IGFN1: variants seen among roughly 807,000 people sequenced by gnomAD.
IGFN1 encodes the protein immunoglobulin like and fibronectin type III domain containing 1, also known as immunoglobulin-like and fibronectin type III domain-containing protein 1.
IGFN1 carries 253 observed loss-of-function variants against 289.5 expected under a neutral mutation model. The observed-to-expected ratio is 0.87, with a 90% CI of 0.79 to 0.97. The LOEUF is 0.97. IGFN1 is among the 50% of genes least tolerant of loss of function. The probability of loss-of-function intolerance (pLI) is 0.00; values close to 1 mark genes in which losing one functional copy is unlikely to be tolerated. For missense variants in IGFN1, 4,470 were observed against 4,686.1 expected (o/e 0.95, Z 1.35); for synonymous variants, 1,706 against 1,788.5 (o/e 0.95, Z 1.16).
chr1:201,198,902 A>G (rs1667027073), intron 5 of IGFN1, among the ~76,000 whole-genome samples: 1 of 152,256 alleles, frequency 6.6e-6, no homozygotes, highest in Non-Finnish European at 1.5e-5. Context: ...TGGCTGCAGG[A>G]TTAGCCAAAC....
intron 10 of IGFN1, among the ~76,000 whole-genome samples, chr1:201,204,275 C>G (rs1038210952): frequency 1.3e-5 from 2 of 148,198 alleles, no homozygotes; most frequent in Non-Finnish European, 3.0e-5. Context: ...AACACCCTAG[C>G]AAGAATCTCT....
chr1:201,216,505 C>T lies in IGFN1; in HGVS notation c.9347C>T (p.Ala3116Val), dbSNP rs996831809. 10 of 1,608,198 alleles carry T rather than the reference C, an allele frequency of 6.2e-6. No individual in the cohort carries two copies. In the African/African-American group the frequency reaches 1.3e-4, roughly 21 times the overall value. The stretch of plus-strand genomic sequence containing the variant: ...ATGGAGGTTCAGGATTGCCATAGGG[C>T]TGGCGTCTGCCTCCGCTGGCGGCCC... Reference protein sequence around the residue: ...GPMEVQDCHRAGVCLRWRPPR... With the variant: ...GPMEVQDCHRVGVCLRWRPPR... Residue 3116 changes from alanine (A) to valine (V), a missense_variant, in exon 16 of 24, where the codon GCT becomes GTT. Ala to Val is a moderately conservative substitution (Grantham distance 64). Transcript: ENST00000335211.
In IGFN1 at chr1:201,201,706, G is replaced by T; in HGVS notation, c.634-13G>T. The stretch of plus-strand genomic sequence containing the variant: ...TCATGAGCTCTCCTGCTGGGTGTTT[G>T]TCTGCTTTGTAGTACATCAACACCA... On this transcript the variant is annotated splice_polypyrimidine_tract_variant and intron_variant, in intron 8 of 23. Coordinates refer to ENST00000335211, the MANE Select transcript of IGFN1 (RefSeq NM_001164586.2). 1 of 1,415,052 alleles carries T rather than the reference G, an allele frequency of 7.1e-7. No homozygotes were observed. The highest frequency in any genetic ancestry group is 9.8e-7 in the Non-Finnish European group (1 of 1,022,040). The allele number at this position is 1,415,052 out of a possible 1,614,324, so 87.7% of individuals were successfully genotyped here. A position where few individuals can be genotyped will look rare whatever the true frequency, so the allele number is the denominator to read the frequency against.
chr1:201,215,923 A>G (rs768076492), intron 15 of IGFN1, 85 bp downstream of exon 15: 20 of 1,313,896 alleles, frequency 1.5e-5, no homozygotes, highest in Non-Finnish European at 1.5e-5. Context: ...GGCCTGGGAT[A>G]TGATCTCTGC....
chr1:201,195,161 T>G (rs141395718), intron 3 of IGFN1, among the ~76,000 whole-genome samples: 1 of 149,234 alleles, frequency 6.7e-6, no homozygotes, highest in Non-Finnish European at 1.5e-5. Flanking sequence ...TTTTTTTTTT[T>G]CTTTTTTTGA....
At chr1:201,198,445 C>T (rs2365298) in intron 5 of IGFN1, among the ~76,000 whole-genome samples, 137,317 of 151,840 alleles carry the variant, frequency 0.9, 62,207 homozygotes, top group Non-Finnish European at 0.93. Context: ...CTTTTATTTT[C>T]TATTTTTTGA....
In IGFN1 at chr1:201,208,626, G is replaced by A. The variant is rs866561070; in HGVS notation, c.3733G>A (p.Gly1245Arg). The A allele has an allele frequency of 1.0e-5, 16 of 1,528,610 alleles. No individual in the cohort carries two copies. The Middle Eastern group carries it at 1.2e-3, about 112-fold the overall frequency. The allele number at this position is 1,528,610 out of a possible 1,614,324, so 94.7% of individuals were successfully genotyped here. ...RSRGLGPRST[G>R]PGGEAGFRDG... ...AAGGGGCCTTGGGCCTAGGAGTACA[G>A]GGCCAGGGGGTGAGGCAGGCTTTAG... Residue 1245 changes from glycine to arginine, a missense_variant, in exon 12 of 24, where the codon GGG (glycine) becomes AGG (arginine). Physicochemically the swap from Gly to Arg is moderately radical, Grantham distance 125. This residue lies in a region of IGFN1 where 2,011 missense variants were observed against 1,953.4 expected (regional missense o/e 1.03). Coordinates refer to ENST00000335211, the MANE Select transcript of IGFN1 (RefSeq NM_001164586.2).
chr1:201,216,183 C>A lies in IGFN1; in HGVS notation c.9296-271C>A, dbSNP rs1571480456. 1.2e-5 allele frequency: 7 copies of A among 602,520 alleles called. No individual in the cohort carries two copies. In the East Asian group the frequency reaches 2.0e-4, roughly 17 times the overall value. 37.3% of individuals were successfully genotyped at this position (602,520 alleles called of 1,614,324 possible). ...TGGCCGAGCAGGTGCCCATACCAGC[C>A]ACCGGACGGTGGGGCCGGGAGGGGC... is the stretch of plus-strand genomic sequence containing the variant. On this transcript the variant is annotated intron_variant, in intron 15 of 23. Transcript: ENST00000335211.
At chr1:201,199,006 T>C (rs1006296787) in intron 5 of IGFN1, among the ~76,000 whole-genome samples, 3 of 152,218 alleles carry the variant, frequency 2.0e-5, no homozygotes, top group African/African-American at 7.2e-5. Flanking sequence ...TTAGATACTC[T>C]TGAGTTTGTT....
Position 201,211,953 on chromosome 1 carries a change from G to C in IGFN1, c.7060G>C (p.Gly2354Arg). The change falls in exon 12 of 24, where the codon GGT (glycine) becomes CGT (arginine). Residue 2354 changes from glycine (G) to arginine (R), a missense_variant. By Grantham distance (125) the Gly-to-Arg change is moderately radical. Coordinates refer to ENST00000335211, the MANE Select transcript of IGFN1 (RefSeq NM_001164586.2). ...SGGSGETGPE[G>R]KMGYGDGSGR... is the part of the protein sequence containing the mutation. ...AGGATCTGGGGAAACGGGACCAGAG[G>C]GTAAGATGGGTTATGGAGATGGTTC... 1 of 1,531,772 alleles carries C rather than the reference G, an allele frequency of 6.5e-7. No individual in the cohort carries two copies. Among genetic ancestry groups the C allele is most frequent in the Non-Finnish European group, 8.7e-7 (1 of 1,144,104 alleles). 94.9% of individuals were successfully genotyped at this position (1,531,772 alleles called of 1,614,324 possible).
chr1:201,221,163 ATAGT>A (rs376614593), intron 18 of IGFN1, among the ~76,000 whole-genome samples: 201 of 152,276 alleles, frequency 1.3e-3, no homozygotes, highest in African/African-American at 4.7e-3. Context: ...TTACAGAAGG[ATAGT>A]TAGGAGAAGG....
chr1:201,205,323 C>T lies in IGFN1; in HGVS notation c.1158C>T (p.Leu386=), dbSNP rs1180966822. 4 of 1,545,706 alleles carry T rather than the reference C, an allele frequency of 2.6e-6. No homozygotes were observed. The African/African-American group carries it at 5.5e-5, about 21-fold the overall frequency. The change falls in exon 11 of 24, where the codon CTC becomes CTT. Residue 386 remains leucine (L), a synonymous_variant. Transcript: ENST00000335211. ...DMGPYSLGTG[L]YTSSAWLVVE... ...GCCCCTATTCGCTGGGCACCGGGCT[C>T]TACACTTCCAGCGCCTGGCTGGTGG...
In IGFN1 at chr1:201,193,237, C is replaced by T. The variant is rs909481577; in HGVS notation, c.-47-10C>T. The T allele has an allele frequency of 6.2e-5, 84 of 1,346,988 alleles. 1 individual carries two copies. Among genetic ancestry groups the T allele is most frequent in the South Asian group, 6.2e-4 (50 of 80,420 alleles). The allele number at this position is 1,346,988 out of a possible 1,614,324, so 83.4% of individuals were successfully genotyped here. Reference sequence around the variant, plus strand: ...GGATTTCTCAAAAGCAATTCCATTTCTGTTCTCAGGGTAATAGAACTTCTA... The same window carrying T: ...GGATTTCTCAAAAGCAATTCCATTTTTGTTCTCAGGGTAATAGAACTTCTA... On this transcript the variant is annotated splice_polypyrimidine_tract_variant and intron_variant, in intron 1 of 23. Transcript: ENST00000335211.
At chr1:201,205,547 G>A (rs1667375741) in intron 11 of IGFN1, among the ~76,000 whole-genome samples, 193 bp downstream of exon 11, 2 of 152,274 alleles carry the variant, frequency 1.3e-5, no homozygotes, top group African/African-American at 4.8e-5. Context: ...CTGCTCTACT[G>A]GGTCTCTTGG....
In IGFN1 at chr1:201,206,402, C is replaced by T. The variant is rs1667422981; in HGVS notation, c.1509C>T (p.Pro503=). Reference sequence around the variant, plus strand: ...CAGAGGGAAGCAGAGCCACTCTTCCCAGGGAAAATCAATCCCACAGAGAGG... The same window carrying T: ...CAGAGGGAAGCAGAGCCACTCTTCCTAGGGAAAATCAATCCCACAGAGAGG... The part of the protein sequence containing the change: ...PVAEGSRATL[P]RENQSHREGG... Residue 503 remains proline (P), a synonymous_variant, in exon 12 of 24, where the codon CCC becomes CCT. Transcript: ENST00000335211. 1 of 1,550,886 alleles carries T rather than the reference C, an allele frequency of 6.4e-7. No homozygotes were observed. Among genetic ancestry groups the T allele is most frequent in the Non-Finnish European group, 8.7e-7 (1 of 1,146,984 alleles).
intron 9 of IGFN1, among the ~76,000 whole-genome samples, chr1:201,202,101 C>A (rs1031398237): frequency 6.6e-6 from 1 of 152,134 alleles, no homozygotes; most frequent in Non-Finnish European, 1.5e-5. Flanking sequence ...CACCAGAGCA[C>A]GGGGGTGAAA....
chr1:201,216,223 G>A lies in IGFN1; in HGVS notation c.9296-231G>A, dbSNP rs1034162471. On this transcript the variant is annotated intron_variant, in intron 15 of 23. Transcript: ENST00000335211. ...CCGGGAGGGGCTGGTGCATTCCATGGCACATCCCTGGGTGCATGTGTGTGT... is the reference window on the plus strand; with the variant it reads ...CCGGGAGGGGCTGGTGCATTCCATGACACATCCCTGGGTGCATGTGTGTGT... 5.0e-6 allele frequency: 3 copies of A among 602,036 alleles called. No homozygotes were observed. The African/African-American group carries it at 5.6e-5, about 11-fold the overall frequency. 37.3% of individuals were successfully genotyped at this position (602,036 alleles called of 1,614,324 possible).
intron 20 of IGFN1, 117 bp downstream of exon 20, chr1:201,222,944 G>C: frequency 1.7e-6 from 1 of 585,992 alleles, no homozygotes; most frequent in Non-Finnish European, 3.0e-6. Context: ...CAGTGCTTGT[G>C]GAAATCACTG....
At position 201,226,122 on chromosome 1, in the gene IGFN1, C is replaced by T. The variant is rs564745561; in HGVS notation, c.10785C>T (p.Arg3595=). ...AGCCCTGGTGCATCCCCCGGCAGCG[C>T]GGTAAGCAGCCCCTGAGAGGGAGGA... The part of the protein sequence containing the change: ...TSQPWCIPRQ[R]DRFTVKAPCY... The change falls in exon 22 of 24, where the codon CGC becomes CGT. Residue 3595 remains arginine (R), a splice_region_variant and synonymous_variant. Transcript: ENST00000335211. The T allele has an allele frequency of 6.3e-6, 10 of 1,585,924 alleles. No individual in the cohort carries two copies. The highest frequency in any genetic ancestry group is 2.3e-5 in the South Asian group (2 of 87,116).
Sources: gnomAD v4.1 joint callset for allele counts (sites outside exome capture counted in the v4.1 genomes callset) on GRCh38, gnomAD v4.1.1 for gene constraint, gnomAD v4.1.1 regional missense constraint, MANE v1.5 for transcripts, NCBI Gene and HGNC (gene_info 2026-07-23, HGNC 2026-07-21) for gene names.